The following SLC6A14 variants were observed in gnomAD, a reference collection of about 807,000 sequenced individuals.
SLC6A14 encodes solute carrier family 6 member 14.
A neutral mutation model predicts 51.4 loss-of-function variants in SLC6A14; 21 were observed. The observed-to-expected ratio is 0.41, with a 90% CI of 0.29 to 0.59. SLC6A14 has a LOEUF of 0.59. Among genes scored for constraint, SLC6A14 ranks in the 20% least tolerant of loss-of-function variants. The pLI, the probability that SLC6A14 is intolerant of heterozygous loss-of-function variation, is 0.31. For missense variants in SLC6A14, 371 were observed against 472.8 expected, an observed-to-expected ratio of 0.78 and a Z score of 2.00; for synonymous variants, 177 against 160.7, an observed-to-expected ratio of 1.10 and a Z score of -0.77.
intron 2 of SLC6A14, among the ~76,000 whole-genome samples, chrX:116,439,399 A>G (rs1927550028): frequency 1.8e-5 from 2 of 111,619 alleles, no homozygotes; most frequent in South Asian, 7.4e-4. Context: ...AAATGAAATT[A>G]AAATTTGTTA....
rs1556694991 is a variant in SLC6A14 at position 116,458,983 on chromosome X, TATA to T, written c.*31_*33del. ...TCTCATTGAAAAAAATATATGATTGTATAATGTGATTTTTTTTAGAATAGGGGG... is the reference window on the plus strand; with the variant it reads ...TCTCATTGAAAAAAATATATGATTGTATGTGATTTTTTTTAGAATAGGGGG... On this transcript the variant is annotated 3_prime_UTR_variant, in exon 14 of 14. Transcript: ENST00000598581. The T allele has an allele frequency of 8.8e-7, 1 of 1,141,501 alleles. No individual in the cohort carries two copies. Among genetic ancestry groups the T allele is most frequent in the Admixed American group, 2.5e-5 (1 of 39,861 alleles). The allele number at this position is 1,141,501 out of a possible 1,213,427, so 94.1% of individuals were successfully genotyped here. A position where few individuals can be genotyped will look rare whatever the true frequency, so the allele number is the denominator to read the frequency against.
intron 11 of SLC6A14, 78 bp from the exon 12 acceptor site, chrX:116,455,279 C>G: frequency 3.6e-6 from 3 of 834,895 alleles, no homozygotes; most frequent in Non-Finnish European, 5.3e-6. Context: ...TGTTTAGACA[C>G]AGAAAGATAA....
chrX:116,447,202 A>G (rs1483852276), intron 7 of SLC6A14, among the ~76,000 whole-genome samples: 2 of 111,850 alleles, frequency 1.8e-5, no homozygotes, highest in African/African-American at 6.5e-5. Flanking sequence ...AAATACCCGC[A>G]AGTTGATGAT....
chrX:116,455,467 G>A lies in SLC6A14; in HGVS notation c.1614+1G>A, dbSNP rs782671660. The A allele has an allele frequency of 9.0e-7, 1 of 1,109,700 alleles. No individual in the cohort carries two copies. The highest frequency in any genetic ancestry group is 2.2e-5 in the Admixed American group (1 of 45,728). 91.5% of individuals were successfully genotyped at this position (1,109,700 alleles called of 1,213,427 possible). Reference sequence around the variant, plus strand: ...TGTAATTACGCCTATCCTTTTGATTGTAAGTAATAATACACCATGAACTTG... The same window carrying A: ...TGTAATTACGCCTATCCTTTTGATTATAAGTAATAATACACCATGAACTTG... On this transcript the variant is annotated splice_donor_variant, in intron 12 of 13. Coordinates refer to ENST00000598581, the MANE Select transcript of SLC6A14 (RefSeq NM_007231.5). LOFTEE classifies it high-confidence loss of function.
Position 116,437,969 on chromosome X carries a change from C to CGGGGGGGGCG in SLC6A14, c.214+14_214+15insGGGGGGGGCG. ...GCAATGGTGGAGGTATTCTATTTCA[C>CGGGGGGGGCG]CCCCACCCTCCCACCCCCGCTTTTC... is the stretch of plus-strand genomic sequence containing the variant. On this transcript the variant is annotated intron_variant, in intron 2 of 13. Transcript: ENST00000598581. 9.1e-7 allele frequency: 1 copy of CGGGGGGGGCG among 1,096,568 alleles called. No individual in the cohort carries two copies. The highest frequency in any genetic ancestry group is 2.0e-5 in the South Asian group (1 of 49,901). The allele number at this position is 1,096,568 out of a possible 1,213,427, so 90.4% of individuals were successfully genotyped here. A position where few individuals can be genotyped will look rare whatever the true frequency, so the allele number is the denominator to read the frequency against.
intron 7 of SLC6A14, among the ~76,000 whole-genome samples, chrX:116,448,777 T>A (rs1927765719): frequency 9.0e-6 from 1 of 111,449 alleles, no homozygotes; most frequent in Non-Finnish European, 1.9e-5. Context: ...GAAATCATTC[T>A]GAAAAATTTA....
intron 6 of SLC6A14, among the ~76,000 whole-genome samples, chrX:116,445,613 T>A (rs1337228512): frequency 9.0e-6 from 1 of 110,991 alleles, no homozygotes; most frequent in Non-Finnish European, 1.9e-5. Context: ...ACAGAACTTT[T>A]TCTCTCAGTG....
chrX:116,438,583 C>T (rs782742893), intron 2 of SLC6A14, among the ~76,000 whole-genome samples: 2 of 111,820 alleles, frequency 1.8e-5, no homozygotes, highest in Non-Finnish European at 3.8e-5. Context: ...ACTGTTTATA[C>T]CTTGTAGATC....
intron 11 of SLC6A14, 75 bp from the exon 12 acceptor site, chrX:116,455,282 A>G: frequency 2.4e-6 from 2 of 848,931 alleles, no homozygotes; most frequent in Non-Finnish European, 1.7e-6. Flanking sequence ...TTAGACACAG[A>G]AAGATAATTG....
At chrX:116,440,940 C>T in intron 2 of SLC6A14, 26 bp from the exon 3 acceptor site, 5 of 1,205,310 alleles carry the variant, frequency 4.1e-6, no homozygotes, top group Non-Finnish European at 4.5e-6. Flanking sequence ...TGTAATAGTG[C>T]TTTGGTTCTT....
chrX:116,448,803 T>C (rs1288271405), intron 7 of SLC6A14, among the ~76,000 whole-genome samples: 1 of 111,576 alleles, frequency 9.0e-6, no homozygotes, highest in Non-Finnish European at 1.9e-5. Context: ...CACTTTTATA[T>C]TGGTCTGTGT....
Position 116,454,306 on chromosome X carries a change from A to T in SLC6A14, c.1286-18A>T, listed in dbSNP as rs1556694599. The T allele has an allele frequency of 9.9e-7, 1 of 1,006,676 alleles. No homozygotes were observed. Among genetic ancestry groups the T allele is most frequent in the Admixed American group, 2.2e-5 (1 of 45,033 alleles). The allele number at this position is 1,006,676 out of a possible 1,213,427, so 83.0% of individuals were successfully genotyped here. ...CAAATAAGTTGACATATAACATGTC[A>T]TTTCTCCCCCTCTGAAGAAACGATC... is the stretch of plus-strand genomic sequence containing the variant. On this transcript the variant is annotated intron_variant, in intron 9 of 13. Coordinates refer to ENST00000598581, the MANE Select transcript of SLC6A14 (RefSeq NM_007231.5).
intron 7 of SLC6A14, 65 bp downstream of exon 7, chrX:116,446,946 C>A (rs1927726343): frequency 3.1e-6 from 3 of 972,875 alleles, no homozygotes; most frequent in African/African-American, 1.9e-5. Context: ...TGCCAAACAT[C>A]TTTGGTTCCA....
At chrX:116,441,258 A>G (rs1335898700) in intron 3 of SLC6A14, among the ~76,000 whole-genome samples, 161 bp downstream of exon 3, 1 of 112,464 alleles carries the variant, frequency 8.9e-6, no homozygotes, top group African/African-American at 3.2e-5. Flanking sequence ...TTTGCTGTAC[A>G]GTTTGCCACT....
At chrX:116,450,470 C>A (rs782278494) in intron 7 of SLC6A14, among the ~76,000 whole-genome samples, 1 of 111,411 alleles carries the variant, frequency 9.0e-6, no homozygotes, top group East Asian at 2.8e-4. Flanking sequence ...AACAATTTGG[C>A]AAGATTTAGT....
At chrX:116,446,292 C>T (rs1367795661) in intron 6 of SLC6A14, among the ~76,000 whole-genome samples, 22 of 111,398 alleles carry the variant, frequency 2.0e-4, no homozygotes, top group African/African-American at 7.2e-4. Context: ...ATATGCTTTT[C>T]TGGGATTTGA....
chrX:116,454,972 G>T lies in SLC6A14; in HGVS notation c.1405-5G>T. ...ACTTAGAAGTAATTAACATTTTTTT[G>T]GTAGGCTGGAATTTACTGGGTTCAT... On this transcript the variant is annotated splice_region_variant and splice_polypyrimidine_tract_variant and intron_variant, in intron 10 of 13. Transcript: ENST00000598581. The T allele has an allele frequency of 5.1e-6, 6 of 1,172,214 alleles. No homozygotes were observed. The highest frequency in any genetic ancestry group is 6.9e-6 in the Non-Finnish European group (6 of 868,778).
chrX:116,448,589 A>ACAATTATAT (rs1434600210), intron 7 of SLC6A14, among the ~76,000 whole-genome samples: 1 of 112,122 alleles, frequency 8.9e-6, no homozygotes, highest in Non-Finnish European at 1.9e-5. Flanking sequence ...GAGCTAATGT[A>ACAATTATAT]CAATTATTTC....
chrX:116,457,770 C>A lies in SLC6A14; in HGVS notation c.1776C>A (p.Ile592=). 1.7e-6 allele frequency: 2 copies of A among 1,180,920 alleles called. No homozygotes were observed. The highest frequency in any genetic ancestry group is 2.3e-6 in the Non-Finnish European group (2 of 869,756). ...AAATAATTCAGGCTAAAGGAAACAT[C>A]TTTCAAGTGAGTGCATTAAAATTGT... ...IIKIIQAKGN[I]FQRLISCCRP... is the part of the protein sequence containing the mutation. The change falls in exon 13 of 14, where the codon ATC becomes ATA. Residue 592 remains isoleucine (I), a synonymous_variant. Coordinates refer to ENST00000598581, the MANE Select transcript of SLC6A14 (RefSeq NM_007231.5).
Sources: allele counts gnomAD v4.1 joint callset (sites outside exome capture counted in the v4.1 genomes callset), GRCh38; gene constraint gnomAD v4.1.1; transcripts MANE v1.5; gene names NCBI Gene and HGNC (gene_info 2026-07-23, HGNC 2026-07-21).